EYS: variants seen among roughly 807,000 people sequenced by gnomAD.
EYS encodes the protein protein eyes shut homolog.
Under a neutral mutation model 282.1 loss-of-function variants are expected in EYS, and 250 were observed. That is an observed-to-expected ratio of 0.89 (90% confidence interval 0.80 to 0.98). The LOEUF is 0.98. Ranked by LOEUF, EYS falls within the 50% of genes least tolerant of loss-of-function variation. The probability of loss-of-function intolerance (pLI) is 0.00; values close to 1 mark genes in which losing one functional copy is unlikely to be tolerated. For missense variants in EYS, 4,016 were observed against 3,709.0 expected (o/e 1.08, Z -2.15); for synonymous variants, 1,355 against 1,282.9 (o/e 1.06, Z -1.20).
chr6:64,079,714 G>A (rs560546317), intron 32 of EYS, among the ~76,000 whole-genome samples: 220 of 151,902 alleles, frequency 1.4e-3, no homozygotes, highest in Non-Finnish European at 2.8e-3. Flanking sequence ...TAATGCTATC[G>A]CTCCCCGCTC....
intron 33 of EYS, among the ~76,000 whole-genome samples, chr6:64,027,471 A>G (rs1769579957): frequency 6.6e-6 from 1 of 152,214 alleles, no homozygotes; most frequent in Non-Finnish European, 1.5e-5. Flanking sequence ...ATCTAGAGGC[A>G]TTACTAAACC....
intron 22 of EYS, among the ~76,000 whole-genome samples, chr6:64,784,218 T>C (rs946267545): frequency 5.3e-5 from 8 of 152,160 alleles, no homozygotes; most frequent in Admixed American, 4.6e-4. Context: ...TGTAAATTTG[T>C]ATTCATTGTT....
chr6:63,984,287 A>C (rs913592545), intron 35 of EYS, 96 bp downstream of exon 35: 18 of 826,432 alleles, frequency 2.2e-5, no homozygotes, highest in Non-Finnish European at 3.5e-5. Flanking sequence ...TGGACTTGTC[A>C]TTTTCGTCTC....
chr6:64,493,394 T>C (rs746029576), intron 26 of EYS, among the ~76,000 whole-genome samples: 50 of 151,646 alleles, frequency 3.3e-4, no homozygotes, highest in Admixed American at 7.9e-4. Flanking sequence ...AAAGCCAAAC[T>C]ATTGACTAAA....
intron 30 of EYS, among the ~76,000 whole-genome samples, chr6:64,282,266 T>C (rs1426822177): frequency 6.6e-6 from 1 of 152,176 alleles, no homozygotes; most frequent in Admixed American, 6.5e-5. Flanking sequence ...GCAAAGATTT[T>C]GGGACAGGGT....
intron 31 of EYS, among the ~76,000 whole-genome samples, chr6:64,115,023 C>T (rs563644304): frequency 6.6e-6 from 1 of 152,228 alleles, no homozygotes; most frequent in East Asian, 1.9e-4. Context: ...TAGTCTGTGC[C>T]CTGGAACTCA....
chr6:65,061,013 C>A (rs933192435), intron 12 of EYS, among the ~76,000 whole-genome samples: 2 of 151,572 alleles, frequency 1.3e-5, no homozygotes, highest in African/African-American at 2.4e-5. Context: ...CTGTTTAGGA[C>A]AAATCATTAA....
intron 35 of EYS, among the ~76,000 whole-genome samples, chr6:63,894,044 C>T (rs1171387869): frequency 6.6e-6 from 1 of 152,178 alleles, no homozygotes; most frequent in Non-Finnish European, 1.5e-5. Context: ...AGACCATCAC[C>T]CTTCCCATCT....
rs536553944 is a variant in EYS, at chr6:64,454,179, T to C, written c.5645-14827A>G. ...TTTGTTCTTCTGTATTTTGGCTCTG[T>C]CAGGCAGTGTTCTTCCATGTACCTG... is the stretch of plus-strand genomic sequence containing the variant. On this transcript the variant is annotated intron_variant, in intron 26 of 42. Coordinates refer to ENST00000503581, the MANE Select transcript of EYS (RefSeq NM_001142800.2). 5.0e-4 allele frequency among the ~76,000 whole-genome samples: 76 copies of C among 152,212 alleles called. 2 individuals carry two copies. The South Asian group carries it at 0.015, about 30-fold the overall frequency.
chr6:64,426,223 A>C (rs1252349680), intron 28 of EYS, among the ~76,000 whole-genome samples: 1 of 152,228 alleles, frequency 6.6e-6, no homozygotes, highest in African/African-American at 2.4e-5. Context: ...TAGAGTGACC[A>C]TTGTCTCACA....
intron 26 of EYS, among the ~76,000 whole-genome samples, chr6:64,482,470 T>G (rs998496348): frequency 1.3e-5 from 2 of 151,756 alleles, no homozygotes; most frequent in African/African-American, 2.4e-5. Flanking sequence ...GCTCTGCCAT[T>G]TTTATTGATA....
intron 12 of EYS, among the ~76,000 whole-genome samples, chr6:65,272,499 C>A (rs1301188969): frequency 1.3e-4 from 20 of 152,116 alleles, no homozygotes; most frequent in Non-Finnish European, 2.9e-4. Context: ...AGCCATTCTG[C>A]ATCAATCAGA....
At chr6:65,239,065 C>A (rs1472521380) in intron 12 of EYS, among the ~76,000 whole-genome samples, 2 of 151,950 alleles carry the variant, frequency 1.3e-5, no homozygotes, top group Non-Finnish European at 1.5e-5. Context: ...AATATTTTGT[C>A]AGGTAATCTC....
chr6:64,414,312 AG>A (rs1773997626), intron 28 of EYS, among the ~76,000 whole-genome samples: 1 of 152,156 alleles, frequency 6.6e-6, no homozygotes, highest in Non-Finnish European at 1.5e-5. Flanking sequence ...CAAAATTCTG[AG>A]GGAAATGGTT....
intron 12 of EYS, among the ~76,000 whole-genome samples, chr6:65,222,768 A>G (rs1258155707): frequency 6.6e-6 from 1 of 152,244 alleles, no homozygotes; most frequent in Non-Finnish European, 1.5e-5. Context: ...ACAGAGAAAA[A>G]TCTGAATTAG....
rs537195581 is a variant in EYS at position 65,045,333 on chromosome 6, G to T, written c.2137+12281C>A. On this transcript the variant is annotated intron_variant, in intron 13 of 42. Coordinates refer to ENST00000503581, the MANE Select transcript of EYS (RefSeq NM_001142800.2). ...CTCACTTGAATCAACCTCCCACTGT[G>T]ATAGTTTTCCAAAACCTTGCCATTG... Among the ~76,000 whole-genome samples, 4 of 151,936 alleles carry T rather than the reference G, an allele frequency of 2.6e-5. No homozygotes were observed. In the South Asian group the frequency reaches 8.3e-4, roughly 31 times the overall value.
chr6:65,333,555 A>G (rs1024491123), intron 11 of EYS, among the ~76,000 whole-genome samples: 19 of 151,622 alleles, frequency 1.3e-4, no homozygotes, highest in Non-Finnish European at 2.5e-4. Flanking sequence ...TTTCTAGATG[A>G]TTTATAGTGT....
intron 13 of EYS, among the ~76,000 whole-genome samples, chr6:65,019,152 T>C (rs1293944856): frequency 6.6e-6 from 1 of 152,214 alleles, no homozygotes; most frequent in Admixed American, 6.5e-5. Context: ...CCATTGATAA[T>C]AATTTCAGTC....
At chr6:64,897,571 C>A (rs1767514829) in intron 18 of EYS, among the ~76,000 whole-genome samples, 1 of 152,094 alleles carries the variant, frequency 6.6e-6, no homozygotes, top group African/African-American at 2.4e-5. Flanking sequence ...AAATTTCTCA[C>A]CAGCAAGGGA....
Sources: gnomAD v4.1 joint callset for allele counts (sites outside exome capture counted in the v4.1 genomes callset) on GRCh38, gnomAD v4.1.1 for gene constraint, MANE v1.5 for transcripts, NCBI Gene and HGNC (gene_info 2026-07-23, HGNC 2026-07-21) for gene names.